RETREG3: variants seen among roughly 807,000 people sequenced by gnomAD.
RETREG3 encodes the protein reticulophagy regulator family member 3.
In RETREG3, 23 loss-of-function variants were observed where a neutral mutation model predicts 50.2. The ratio of observed to expected loss-of-function variants is 0.46; its 90% CI spans 0.33 to 0.65. The LOEUF (loss-of-function observed/expected upper bound fraction) is 0.65, where lower values mean the gene tolerates loss of function less well. Among genes scored for constraint, RETREG3 ranks in the 30% least tolerant of loss-of-function variants. The pLI is 0.02. For missense variants in RETREG3, 546 were observed against 598.0 expected, an observed-to-expected ratio of 0.91 and a Z score of 0.91; for synonymous variants, 240 against 234.4, an observed-to-expected ratio of 1.02 and a Z score of -0.22.
intron 3 of RETREG3, chr17:42,587,607 AC>A (rs760074172): frequency 1.0e-4 from 55 of 529,968 alleles, no homozygotes; most frequent in Middle Eastern, 5.2e-4. Context: ...GTTATGGGGC[AC>A]TGTAATGCTT....
intron 1 of RETREG3, among the ~76,000 whole-genome samples, chr17:42,593,265 C>T (rs1207564198): frequency 5.3e-5 from 8 of 152,058 alleles, no homozygotes; most frequent in Admixed American, 4.6e-4. Context: ...ACTGCAAGGG[C>T]GGTTTAACAT....
Position 42,580,549 on chromosome 17 carries a change from C to T in RETREG3, c.*1264G>A, listed in dbSNP as rs964290180. ...AGACCTCAAAATACAGAGGTGCTCA[C>T]TAATCCTCCCAGCCAGCTGATCCCC... On this transcript the variant is annotated 3_prime_UTR_variant, in exon 9 of 9. Coordinates refer to ENST00000309428, the MANE Select transcript of RETREG3 (RefSeq NM_178126.4). 1.3e-5 allele frequency: 2 copies of T among 152,692 alleles called. No homozygotes were observed. The highest frequency in any genetic ancestry group is 4.8e-5 in the African/African-American group (2 of 41,400). 9.5% of individuals were successfully genotyped at this position (152,692 alleles called of 1,614,324 possible).
rs1038935961 is a variant in RETREG3 at position 42,590,506 on chromosome 17, T to C, written c.346+1550A>G. On this transcript the variant is annotated intron_variant, in intron 2 of 8. Transcript: ENST00000309428. ...GACCAACATGGAGAAACCCCATCTA[T>C]AGAAAAAATACAAAAATTAGCTGGA... Among the ~76,000 whole-genome samples the C allele has an allele frequency of 3.3e-5, 5 of 151,864 alleles. No homozygotes were observed. In the South Asian group the frequency reaches 6.2e-4, roughly 19 times the overall value.
intron 1 of RETREG3, 123 bp downstream of exon 1, chr17:42,608,962 CA>C: frequency 3.0e-6 from 3 of 1,005,324 alleles, no homozygotes; most frequent in South Asian, 3.3e-5. Context: ...GGAGGTGAGG[CA>C]AAATTAGGCA....
intron 1 of RETREG3, chr17:42,608,863 G>A: frequency 1.8e-6 from 1 of 541,554 alleles, no homozygotes; most frequent in Non-Finnish European, 3.2e-6. Context: ...TGCGGGGCGG[G>A]GGTGCGGGCA....
rs112002966 is a variant in RETREG3 at position 42,582,806 on chromosome 17, G to C, written c.811C>G (p.Leu271Val). The change falls in exon 8 of 9, where the codon CTG (leucine) becomes GTG (valine). Residue 271 changes from leucine to valine, a missense_variant and splice_region_variant. Transcript: ENST00000309428. ...TCCCTGGCAACAGTAGAATCGTCCA[G>C]CTTAGGAAAAGACCAACAAATGTGA... ...EEELAAFCPQLDDSTVARELA... is the reference protein window; with the variant it reads ...EEELAAFCPQVDDSTVARELA... 3.7e-6 allele frequency: 6 copies of C among 1,614,184 alleles called. No homozygotes were observed. In the African/African-American group the frequency reaches 4.0e-5, roughly 11 times the overall value.
At position 42,603,044 on chromosome 17, in the gene RETREG3, AT is replaced by A. The variant is rs141119889; in HGVS notation, c.239+6041del. 1.8e-4 allele frequency among the ~76,000 whole-genome samples: 27 copies of A among 151,320 alleles called. 1 individual carries two copies. The highest frequency in any genetic ancestry group is 3.4e-3 in the Middle Eastern group (1 of 294). On this transcript the variant is annotated intron_variant, in intron 1 of 8. Coordinates refer to ENST00000309428, the MANE Select transcript of RETREG3 (RefSeq NM_178126.4). Reference sequence around the variant, plus strand: ...AGAGTGAAATTTTATATATCCATTGATTTTTTTTTCCCCTTTTGTGAACTGT... The same window carrying A: ...AGAGTGAAATTTTATATATCCATTGATTTTTTTTCCCCTTTTGTGAACTGT...
rs2093118652 is a variant in RETREG3 at position 42,585,120 on chromosome 17, C to T, written c.727+5G>A. 1 of 1,612,512 alleles carries T rather than the reference C, an allele frequency of 6.2e-7. No homozygotes were observed. Among genetic ancestry groups the T allele is most frequent in the Non-Finnish European group, 8.5e-7 (1 of 1,179,948 alleles). On this transcript the variant is annotated splice_donor_5th_base_variant and intron_variant, in intron 6 of 8. Coordinates refer to ENST00000309428, the MANE Select transcript of RETREG3 (RefSeq NM_178126.4). Reference sequence around the variant, plus strand: ...AAGTGGAAAGAATGACACCATGACACTTACATTGTCTCTCTCTCTGCTTGG... The same window carrying T: ...AAGTGGAAAGAATGACACCATGACATTTACATTGTCTCTCTCTCTGCTTGG...
intron 2 of RETREG3, among the ~76,000 whole-genome samples, chr17:42,589,364 A>G (rs2143386900): frequency 6.6e-6 from 1 of 152,268 alleles, no homozygotes; most frequent in South Asian, 2.1e-4. Context: ...TTTGCCTGCT[A>G]AGTGTAATGC....
chr17:42,588,225 G>GT (rs796169806), intron 2 of RETREG3, among the ~76,000 whole-genome samples: 14 of 152,280 alleles, frequency 9.2e-5, no homozygotes, highest in African/African-American at 2.9e-4. Context: ...AAGGTACGTT[G>GT]TAACAACTCC....
intron 1 of RETREG3, among the ~76,000 whole-genome samples, chr17:42,603,837 C>G (rs1040525417): frequency 2.6e-5 from 4 of 152,086 alleles, no homozygotes; most frequent in Non-Finnish European, 5.9e-5. Flanking sequence ...ATTAGGTGGG[C>G]ATGGTGGCGG....
intron 2 of RETREG3, among the ~76,000 whole-genome samples, chr17:42,589,128 G>C (rs1464635566): frequency 6.6e-6 from 1 of 151,182 alleles, no homozygotes; most frequent in African/African-American, 2.4e-5. Flanking sequence ...AAAATGGGGA[G>C]ACCCATTATC....
intron 6 of RETREG3, 68 bp downstream of exon 6, chr17:42,585,057 C>G (rs1360987603): frequency 6.3e-7 from 1 of 1,582,800 alleles, no homozygotes; most frequent in Non-Finnish European, 8.6e-7. Flanking sequence ...CCCAGTATGT[C>G]AGACCTATGG....
At position 42,582,131 on chromosome 17, in the gene RETREG3, C is replaced by A; in HGVS notation, c.1083G>T (p.Pro361=). The A allele has an allele frequency of 6.2e-7, 1 of 1,614,070 alleles. No homozygotes were observed. Among genetic ancestry groups the A allele is most frequent in the South Asian group, 1.1e-5 (1 of 91,068 alleles). The change falls in exon 9 of 9, where the codon CCG becomes CCT. Residue 361 remains proline, a synonymous_variant. Transcript: ENST00000309428. ...IGMPSLMYRS[P]PGAEEPQAPP... is the part of the protein sequence containing the mutation. Reference sequence around the variant, plus strand: ...GGGCCTGGGGCTCCTCAGCCCCTGGCGGAGAACGGTACATCAAGCTGGGCA... The same window carrying A: ...GGGCCTGGGGCTCCTCAGCCCCTGGAGGAGAACGGTACATCAAGCTGGGCA...
intron 2 of RETREG3, among the ~76,000 whole-genome samples, chr17:42,590,795 C>A (rs923103701): frequency 5.3e-5 from 8 of 152,220 alleles, no homozygotes; most frequent in African/African-American, 1.9e-4. Flanking sequence ...GGTAAAACCC[C>A]GTCTCTAACA....
chr17:42,601,655 G>A (rs548940820), intron 1 of RETREG3, among the ~76,000 whole-genome samples: 13 of 107,334 alleles, frequency 1.2e-4, no homozygotes, highest in East Asian at 1.1e-3. Context: ...TTTTTGAGAC[G>A]GAGTCTTGCT....
rs145011672 is a variant in RETREG3, at chr17:42,595,123, G to A, written c.240-2961C>T. 8.5e-3 allele frequency among the ~76,000 whole-genome samples: 1,261 copies of A among 148,830 alleles called. 18 individuals are homozygous for A. Among genetic ancestry groups the A allele is most frequent in the African/African-American group, 0.03 (1,200 of 40,582 alleles). On this transcript the variant is annotated intron_variant, in intron 1 of 8. Transcript: ENST00000309428. ...TGGGACTACATGCATGCACCACCAC[G>A]TCCAGCTAATTTTTTTTGTATTTTT...
chr17:42,607,783 G>A (rs1470732701), intron 1 of RETREG3, among the ~76,000 whole-genome samples: 9 of 151,408 alleles, frequency 5.9e-5, no homozygotes, highest in African/African-American at 2.2e-4. Context: ...TCCAGCCTGG[G>A]CAATAAGAGT....
At chr17:42,590,685 C>T (rs550757142) in intron 2 of RETREG3, among the ~76,000 whole-genome samples, 31 of 151,318 alleles carry the variant, frequency 2.0e-4, no homozygotes, top group South Asian at 4.2e-4. Flanking sequence ...AAAAAGAATG[C>T]GCCAGGTGCG....
Sources: gnomAD v4.1 joint callset for allele counts (sites outside exome capture counted in the v4.1 genomes callset) on GRCh38, gnomAD v4.1.1 for gene constraint, MANE v1.5 for transcripts, NCBI Gene and HGNC (gene_info 2026-07-23, HGNC 2026-07-21) for gene names.